SEMA6D: variants seen among roughly 807,000 people sequenced by gnomAD.
The protein encoded by SEMA6D is semaphorin-6D.
In SEMA6D, 35 loss-of-function variants were observed where a neutral mutation model predicts 106.6. That is an observed-to-expected ratio of 0.33 (90% confidence interval 0.25 to 0.44). The LOEUF is 0.44. SEMA6D is among the 20% of genes least tolerant of loss of function. SEMA6D has a pLI of 1.00. For synonymous variants in SEMA6D, 499 were observed against 487.7 expected (o/e 1.02, Z -0.31); for missense variants, 1,185 against 1,345.9 (o/e 0.88, Z 1.87).
intron 1 of SEMA6D, among the ~76,000 whole-genome samples, chr15:47,398,411 G>A (rs1039179039): frequency 5.9e-5 from 9 of 152,142 alleles, no homozygotes; most frequent in African/African-American, 1.7e-4. Flanking sequence ...ATACATCTCT[G>A]GACTTCTGCT....
At chr15:47,753,117 T>A (rs957511364) in intron 1 of SEMA6D, among the ~76,000 whole-genome samples, 4 of 152,016 alleles carry the variant, frequency 2.6e-5, no homozygotes, top group African/African-American at 9.7e-5. Context: ...GAAGTAGCTG[T>A]GGGGCAGGAG....
chr15:47,713,992 G>A (rs750369507), upstream of SEMA6D, among the ~76,000 whole-genome samples: 91 of 152,152 alleles, frequency 6.0e-4, no homozygotes, highest in Non-Finnish European at 1.2e-3. Flanking sequence ...TTTGTTCCAG[G>A]TCAGATGCTA....
intron 4 of SEMA6D, among the ~76,000 whole-genome samples, chr15:47,660,383 T>C (rs2077893128): frequency 6.6e-6 from 1 of 152,190 alleles, no homozygotes; most frequent in Non-Finnish European, 1.5e-5. Flanking sequence ...GCAGTTACTT[T>C]TTTAAACATG....
chr15:47,612,872 T>A (rs2076938143), intron 4 of SEMA6D, among the ~76,000 whole-genome samples: 1 of 152,200 alleles, frequency 6.6e-6, no homozygotes. Context: ...GCTATAAATC[T>A]GCAACTTTTA....
intron 1 of SEMA6D, among the ~76,000 whole-genome samples, chr15:47,281,455 A>C (rs2035110583): frequency 1.3e-5 from 2 of 149,862 alleles, no homozygotes; most frequent in African/African-American, 2.5e-5. Context: ...TGAATACAGC[A>C]CACTGATGGG....
At chr15:47,581,438 G>C in intron 3 of SEMA6D, 1 of 471,468 alleles carries the variant, frequency 2.1e-6, no homozygotes, top group South Asian at 1.6e-5. Context: ...GAACATAGCT[G>C]AAAGTACCTG....
intron 1 of SEMA6D, among the ~76,000 whole-genome samples, chr15:47,358,039 G>A (rs773559762): frequency 3.2e-4 from 49 of 152,156 alleles, no homozygotes; most frequent in Admixed American, 1.1e-3. Context: ...CCATATTTCC[G>A]TAGACTTCTG....
chr15:47,252,943 A>G (rs1034960374), intron 1 of SEMA6D, among the ~76,000 whole-genome samples: 1 of 151,988 alleles, frequency 6.6e-6, no homozygotes, highest in East Asian at 1.9e-4. Flanking sequence ...TAGTAGTTCT[A>G]TTTTTAATTT....
chr15:47,453,601 C>T (rs2042256426), intron 2 of SEMA6D, among the ~76,000 whole-genome samples: 1 of 151,974 alleles, frequency 6.6e-6, no homozygotes, highest in Admixed American at 6.6e-5. Context: ...TATGTAGTAA[C>T]AGCACGTCTG....
intron 3 of SEMA6D, among the ~76,000 whole-genome samples, chr15:47,558,304 C>T (rs1356558152): frequency 6.6e-6 from 1 of 151,878 alleles, no homozygotes; most frequent in African/African-American, 2.4e-5. Context: ...CAATTGTATA[C>T]CAAGATATTC....
At chr15:47,763,559 C>CA (rs2082175818) in intron 9 of SEMA6D, among the ~76,000 whole-genome samples, 1 of 152,168 alleles carries the variant, frequency 6.6e-6, no homozygotes, top group Admixed American at 6.5e-5. Context: ...ATTAACAATA[C>CA]AGGAAGCAAA....
At chr15:47,413,227 C>A (rs937028681) in intron 2 of SEMA6D, among the ~76,000 whole-genome samples, 1 of 151,956 alleles carries the variant, frequency 6.6e-6, no homozygotes, top group Non-Finnish European at 1.5e-5. Flanking sequence ...AATTTACATT[C>A]TTAATAAAAG....
intron 4 of SEMA6D, among the ~76,000 whole-genome samples, chr15:47,662,857 GCACACACACACACA>G (rs140613951): frequency 6.7e-5 from 9 of 134,162 alleles, no homozygotes; most frequent in Non-Finnish European, 1.5e-4. Flanking sequence ...GTGTATGAGC[GCACACACACACACA>G]CACACACACA....
intron 2 of SEMA6D, among the ~76,000 whole-genome samples, chr15:47,451,188 T>C (rs1009109879): frequency 6.6e-6 from 1 of 151,966 alleles, no homozygotes; most frequent in Non-Finnish European, 1.5e-5. Context: ...AACACACAGG[T>C]TATGGCAAGG....
intron 1 of SEMA6D, among the ~76,000 whole-genome samples, chr15:47,232,018 A>G (rs1017428610): frequency 6.6e-6 from 1 of 151,918 alleles, no homozygotes; most frequent in Non-Finnish European, 1.5e-5. Context: ...ATTTCATTCT[A>G]CTTTCAGCCC....
rs1369643 is a variant in SEMA6D at position 47,612,611 on chromosome 15, T to G, written c.-55+11715T>G. Reference sequence around the variant, plus strand: ...ACTGTCTCTAGTGGTCCCCAAACCCTTCTCATTTGTTCCTTGCATTGTATC... The same window carrying G: ...ACTGTCTCTAGTGGTCCCCAAACCCGTCTCATTTGTTCCTTGCATTGTATC... On this transcript the variant is annotated intron_variant, in intron 4 of 19. Coordinates refer to the SEMA6D transcript ENST00000558014. Among the ~76,000 whole-genome samples the G allele has an allele frequency of 8.4e-4, 128 of 152,160 alleles. 1 individual carries two copies. The highest frequency in any genetic ancestry group is 2.7e-3 in the African/African-American group (112 of 41,496).
At chr15:47,369,936 A>G (rs772618406) in intron 1 of SEMA6D, among the ~76,000 whole-genome samples, 10 of 152,216 alleles carry the variant, frequency 6.6e-5, no homozygotes, top group Non-Finnish European at 1.3e-4. Flanking sequence ...CATTGGATTG[A>G]CTCAGCTCTG....
At chr15:47,707,729 T>G (rs1232318154) in intron 4 of SEMA6D, among the ~76,000 whole-genome samples, 1 of 152,190 alleles carries the variant, frequency 6.6e-6, no homozygotes, top group African/African-American at 2.4e-5. Flanking sequence ...TTTTGGTATT[T>G]TTCTGGAAAA....
At position 47,412,136 on chromosome 15, in the gene SEMA6D, C is replaced by T. The variant is rs139752437; in HGVS notation, c.-238-257C>T. ...AGGCAGTGTACCATTATTTGTCCTG[C>T]TTGTATTCATGAATAGCCTGTTTGC... On this transcript the variant is annotated intron_variant, in intron 1 of 19. Transcript: ENST00000558014. Among the ~76,000 whole-genome samples, 717 of 151,972 alleles carry T rather than the reference C, an allele frequency of 4.7e-3. 6 individuals are homozygous for T. The highest frequency in any genetic ancestry group is 0.017 in the African/African-American group (686 of 41,480).
Sources: allele counts gnomAD v4.1 joint callset (sites outside exome capture counted in the v4.1 genomes callset), GRCh38; gene constraint gnomAD v4.1.1; transcripts MANE v1.5; gene names NCBI Gene and HGNC (gene_info 2026-07-23, HGNC 2026-07-21).